Variants in CHN2 observed in about 807,000 individuals in gnomAD.
CHN2 encodes beta-chimaerin.
A neutral mutation model predicts 56.3 loss-of-function variants in CHN2; 35 were observed. The ratio of observed to expected loss-of-function variants is 0.62; its 90% CI spans 0.47 to 0.82. The LOEUF (loss-of-function observed/expected upper bound fraction) is 0.82. Among genes scored for constraint, CHN2 ranks in the 40% least tolerant of loss-of-function variants. CHN2 has a pLI of 0.00. For synonymous variants in CHN2, 210 were observed against 212.8 expected, an observed-to-expected ratio of 0.99 and a Z score of 0.12; for missense variants, 491 against 580.5, an observed-to-expected ratio of 0.85 and a Z score of 1.58.
At chr7:29,475,544 G>T (rs373062017) in intron 6 of CHN2, among the ~76,000 whole-genome samples, 3 of 152,146 alleles carry the variant, frequency 2.0e-5, no homozygotes, top group Non-Finnish European at 2.9e-5. Flanking sequence ...GAAAACAAGC[G>T]TTCAAACAAA....
intron 6 of CHN2, among the ~76,000 whole-genome samples, chr7:29,426,657 T>C (rs1804889203): frequency 6.6e-6 from 1 of 152,224 alleles, no homozygotes; most frequent in African/African-American, 2.4e-5. Context: ...ACTCAGATGT[T>C]CACTCAGTTC....
intron 2 of CHN2, among the ~76,000 whole-genome samples, chr7:29,167,228 A>G (rs1796030895): frequency 1.3e-5 from 2 of 152,200 alleles, no homozygotes; most frequent in Admixed American, 6.5e-5. Context: ...TCCTAAAATA[A>G]TATATTAATT....
chr7:29,508,017 T>A (rs1790801490), intron 11 of CHN2, among the ~76,000 whole-genome samples: 1 of 152,134 alleles, frequency 6.6e-6, no homozygotes. Context: ...TTGATGCTGT[T>A]CAAAATGAAT....
At chr7:29,372,253 T>C (rs1448982996) in intron 3 of CHN2, among the ~76,000 whole-genome samples, 1 of 151,988 alleles carries the variant, frequency 6.6e-6, no homozygotes, top group Non-Finnish European at 1.5e-5. Flanking sequence ...TCACTATCAC[T>C]GGGCCTTTGC....
intron 6 of CHN2, among the ~76,000 whole-genome samples, chr7:29,465,964 G>T (rs942215821): frequency 1.3e-5 from 2 of 152,228 alleles, no homozygotes; most frequent in African/African-American, 4.8e-5. Context: ...AGCACTTTGG[G>T]AGGCTCAGGT....
chr7:29,485,868 A>C (rs1787919044), intron 7 of CHN2, among the ~76,000 whole-genome samples: 1 of 151,602 alleles, frequency 6.6e-6, no homozygotes, highest in African/African-American at 2.4e-5. Context: ...CTGCATGGGG[A>C]TCTGCATCAC....
At chr7:29,411,815 T>C (rs1406023198) in intron 6 of CHN2, among the ~76,000 whole-genome samples, 1 of 152,196 alleles carries the variant, frequency 6.6e-6, no homozygotes, top group Non-Finnish European at 1.5e-5. Flanking sequence ...TGATCTGAGC[T>C]TCTCGCGGAG....
chr7:29,205,440 T>C (rs1666573609), intron 1 of CHN2, among the ~76,000 whole-genome samples: 1 of 152,192 alleles, frequency 6.6e-6, no homozygotes, highest in South Asian at 2.1e-4. Flanking sequence ...GGGCTAATAA[T>C]ACTAGTTGTT....
At chr7:29,269,615 G>A (rs1006105130) in intron 1 of CHN2, among the ~76,000 whole-genome samples, 4 of 152,128 alleles carry the variant, frequency 2.6e-5, no homozygotes, top group Non-Finnish European at 5.9e-5. Flanking sequence ...TCAGTTTTTT[G>A]AGGAAACTTC....
At chr7:29,407,317 G>A (rs1356728044) in intron 6 of CHN2, among the ~76,000 whole-genome samples, 3 of 151,980 alleles carry the variant, frequency 2.0e-5, no homozygotes, top group Non-Finnish European at 4.4e-5. Context: ...CCACAACTGT[G>A]CCACTGTGGA....
chr7:29,329,593 G>A (rs1455095549), intron 1 of CHN2, among the ~76,000 whole-genome samples: 4 of 152,018 alleles, frequency 2.6e-5, no homozygotes, highest in African/African-American at 9.7e-5. Flanking sequence ...TAATTTCACC[G>A]CCCTCACTCT....
Position 29,165,386 on chromosome 7 carries a change from CT to C in CHN2, c.274+18428del, listed in dbSNP as rs576339170. On this transcript the variant is annotated intron_variant, in intron 2 of 6. Transcript: ENST00000439384. ...TATATATTACTCTTTATCCTTTAAC[CT>C]TGCTAAACTCACTGAATAGTTCCAA... is the stretch of plus-strand genomic sequence containing the variant. Among the ~76,000 whole-genome samples, 3 of 152,128 alleles carry C rather than the reference CT, an allele frequency of 2.0e-5. No individual in the cohort carries two copies. The East Asian group carries it at 5.8e-4, about 29-fold the overall frequency.
intron 6 of CHN2, among the ~76,000 whole-genome samples, chr7:29,418,205 T>C (rs1803972604): frequency 6.6e-6 from 1 of 152,252 alleles, no homozygotes; most frequent in African/African-American, 2.4e-5. Context: ...TCATGCATTT[T>C]CCCTCAGATG....
At chr7:29,216,745 A>G (rs1332027643) in intron 1 of CHN2, among the ~76,000 whole-genome samples, 2 of 152,258 alleles carry the variant, frequency 1.3e-5, no homozygotes, top group Non-Finnish European at 1.5e-5. Flanking sequence ...AAGGTAAAAT[A>G]ATACCATGGC....
At chr7:29,321,573 T>TC (rs67722997) in intron 1 of CHN2, among the ~76,000 whole-genome samples, 11 of 86,960 alleles carry the variant, frequency 1.3e-4, no homozygotes, top group East Asian at 4.5e-4. Flanking sequence ...TTTCTTTCTT[T>TC]TTTTTTTTTT....
In CHN2 at chr7:29,367,916, C is replaced by A; in HGVS notation, c.89-16C>A. ...ATTCTAATTATTTCTCTCTCTCTCT[C>A]TCTCTTTTTTGGCAGTATATCAGTT... On this transcript the variant is annotated splice_polypyrimidine_tract_variant and intron_variant, in intron 2 of 12. Transcript: ENST00000222792. 6.2e-7 allele frequency: 1 copy of A among 1,606,932 alleles called. No individual in the cohort carries two copies.
rs531989082 is a variant in CHN2, at chr7:29,485,547, G to A, written c.654+5191G>A. Among the ~76,000 whole-genome samples the A allele has an allele frequency of 1.2e-4, 18 of 152,322 alleles. No homozygotes were observed. The South Asian group carries it at 1.7e-3, about 14-fold the overall frequency. On this transcript the variant is annotated intron_variant, in intron 7 of 12. Coordinates refer to ENST00000222792, the MANE Select transcript of CHN2 (RefSeq NM_004067.4). ...CTCTCAGCCTTAACCAAGAATCCTC[G>A]TGGGTAGGTGGAAAGTTGGCTGAAG...
chr7:29,280,570 AG>A (rs1791622946), intron 1 of CHN2, among the ~76,000 whole-genome samples: 1 of 152,094 alleles, frequency 6.6e-6, no homozygotes, highest in Non-Finnish European at 1.5e-5. Flanking sequence ...AGAGGATTAC[AG>A]GTAAACAAAC....
chr7:29,380,966 G>A (rs1005845221), intron 3 of CHN2, among the ~76,000 whole-genome samples: 1 of 152,152 alleles, frequency 6.6e-6, no homozygotes, highest in Non-Finnish European at 1.5e-5. Context: ...AATAATGGAA[G>A]CCTTATTCTG....
Sources: allele counts gnomAD v4.1 joint callset (sites outside exome capture counted in the v4.1 genomes callset), GRCh38; gene constraint gnomAD v4.1.1; transcripts MANE v1.5; gene names NCBI Gene and HGNC (gene_info 2026-07-23, HGNC 2026-07-21).